Variants in ARAP1 observed in about 807,000 individuals in gnomAD.
ARAP1 encodes ArfGAP with RhoGAP domain, ankyrin repeat and PH domain 1.
Under a neutral mutation model 172.2 loss-of-function variants are expected in ARAP1, and 76 were observed. The observed-to-expected ratio is 0.44, with a 90% confidence interval of 0.37 to 0.53. The LOEUF (loss-of-function observed/expected upper bound fraction) is 0.53. ARAP1 is among the 20% of genes least tolerant of loss of function. The pLI, the probability that ARAP1 is intolerant of heterozygous loss-of-function variation, is 0.00. For missense variants in ARAP1, 1,686 were observed against 1,977.5 expected (o/e 0.85, Z 2.80); for synonymous variants, 804 against 803.3 (o/e 1.00, Z -0.01).
chr11:72,751,399 C>G (rs1049734549), intron 1 of ARAP1, among the ~76,000 whole-genome samples: 1 of 152,170 alleles, frequency 6.6e-6, no homozygotes, highest in Non-Finnish European at 1.5e-5. Context: ...TCATCCCCTC[C>G]CCTGGGGCCT....
chr11:72,686,634 CTG>C lies in ARAP1; in HGVS notation c.4186-445_4186-444del, dbSNP rs1227066278. 2.0e-5 allele frequency among the ~76,000 whole-genome samples: 3 copies of C among 152,234 alleles called. No homozygotes were observed. In the East Asian group the frequency reaches 5.8e-4, roughly 29 times the overall value. ...CATATGAGCTCTCACTTTAAAAACT[CTG>C]TGTCTTAATTCATCTGTTTTAAGTC... On this transcript the variant is annotated intron_variant, in intron 33 of 34. Transcript: ENST00000393609.
chr11:72,701,273 G>A (rs1856472365), intron 16 of ARAP1, among the ~76,000 whole-genome samples: 1 of 152,094 alleles, frequency 6.6e-6, no homozygotes, highest in Admixed American at 6.5e-5. Context: ...GGGCTCTTGT[G>A]GATTTTCTTC....
chr11:72,712,945 C>T (rs951329402), intron 5 of ARAP1: 4 of 604,270 alleles, frequency 6.6e-6, no homozygotes, highest in African/African-American at 3.7e-5. Flanking sequence ...CATGCCCACC[C>T]ACATACAGCC....
chr11:72,717,218 C>T (rs1010931682), intron 3 of ARAP1, among the ~76,000 whole-genome samples: 1 of 152,164 alleles, frequency 6.6e-6, no homozygotes, highest in East Asian at 1.9e-4. Flanking sequence ...TCTTGATGGG[C>T]AAATCAATCC....
intron 3 of ARAP1, among the ~76,000 whole-genome samples, chr11:72,718,974 C>T (rs1857398890): frequency 6.6e-6 from 1 of 152,208 alleles, no homozygotes; most frequent in African/African-American, 2.4e-5. Context: ...TTTCTGAGCA[C>T]TTGACATGGA....
rs1411062130 is a variant in ARAP1, at chr11:72,693,814, A to G, written c.3695-9T>C. Reference sequence around the variant, plus strand: ...AAAGTGCAGGGGGCGCTCTGGGGAGAGGTCACACCTACCGTCACTGGGACC... The same window carrying G: ...AAAGTGCAGGGGGCGCTCTGGGGAGGGGTCACACCTACCGTCACTGGGACC... On this transcript the variant is annotated splice_polypyrimidine_tract_variant and intron_variant, in intron 27 of 34. Transcript: ENST00000393609. The surrounding 1 kb of genome is among the most constrained non-coding windows in gnomAD (Gnocchi z 4.6). 6.3e-7 allele frequency: 1 copy of G among 1,587,552 alleles called. No homozygotes were observed. Among genetic ancestry groups the G allele is most frequent in the Non-Finnish European group, 8.6e-7 (1 of 1,168,068 alleles).
intron 30 of ARAP1, among the ~76,000 whole-genome samples, chr11:72,690,419 A>G (rs991044307): frequency 6.6e-6 from 1 of 152,154 alleles, no homozygotes; most frequent in African/African-American, 2.4e-5. Flanking sequence ...TCTCCTTTTG[A>G]GAATGAATCC....
intron 8 of ARAP1, 99 bp from the exon 9 acceptor site, chr11:72,711,240 GT>G: frequency 6.4e-7 from 1 of 1,552,018 alleles, no homozygotes; most frequent in South Asian, 1.2e-5. Flanking sequence ...CCTGCAGCTG[GT>G]TAGAGACAAG....
intron 8 of ARAP1, 43 bp from the exon 9 acceptor site, chr11:72,711,184 G>A (rs1182322670): frequency 7.5e-6 from 12 of 1,609,960 alleles, no homozygotes; most frequent in African/African-American, 2.7e-5. Context: ...CCAGCACCTC[G>A]CTGACTCCCC....
intron 1 of ARAP1, among the ~76,000 whole-genome samples, chr11:72,745,182 C>CTTTTTTTTTTTT (rs902550014): frequency 3.4e-5 from 3 of 88,312 alleles, no homozygotes; most frequent in Non-Finnish European, 4.2e-5. Flanking sequence ...AAGTTTCTTT[C>CTTTTTTTTTTTT]TTTTTTTTTT....
rs1027241450 is a variant in ARAP1 at position 72,694,537 on chromosome 11, T to G, written c.3694+443A>C. ...GCCAAGGGTCTTTCCTCCACAGCAG[T>G]TAATGCATCTGTAGTTGAACATTTA... On this transcript the variant is annotated intron_variant, in intron 27 of 34. Coordinates refer to ENST00000393609, the MANE Select transcript of ARAP1 (RefSeq NM_001040118.3). 2.0e-5 allele frequency among the ~76,000 whole-genome samples: 3 copies of G among 152,078 alleles called. No individual in the cohort carries two copies. In the South Asian group the frequency reaches 6.2e-4, roughly 31 times the overall value.
Position 72,725,196 on chromosome 11 carries a change from G to T in ARAP1, c.509+1424C>A, listed in dbSNP as rs1445826763. 2.6e-5 allele frequency among the ~76,000 whole-genome samples: 4 copies of T among 152,152 alleles called. No individual in the cohort carries two copies. The highest frequency in any genetic ancestry group is 9.7e-5 in the African/African-American group (4 of 41,440). ...GAGTCACAGGAAGGGCCTGAGAGGG[G>T]ACCTGGCCAGGGCCCTGCTTCTTCC... On this transcript the variant is annotated intron_variant, in intron 3 of 34. Transcript: ENST00000393609. The surrounding 1 kb of genome is among the most constrained non-coding windows in gnomAD (Gnocchi z 4.3).
rs1451845024 is a variant in ARAP1, at chr11:72,712,183, A to C, written c.1022+13T>G. ...CATGCAGAGCACAGCAGGACCCAAG[A>C]GGCCTCACTCACCCCTGCGGTGGGT... On this transcript the variant is annotated intron_variant, in intron 7 of 34. Transcript: ENST00000393609. 3.8e-6 allele frequency: 6 copies of C among 1,587,382 alleles called. No individual in the cohort carries two copies. The highest frequency in any genetic ancestry group is 5.1e-6 in the Non-Finnish European group (6 of 1,170,078).
At position 72,714,241 on chromosome 11, in the gene ARAP1, G is replaced by C; in HGVS notation, c.590C>G (p.Thr197Ser). The change falls in exon 4 of 35, where the codon ACC becomes AGC. Residue 197 changes from threonine to serine, a missense_variant. By Grantham distance (58) the Thr-to-Ser change is moderately conservative (BLOSUM62 1). Transcript: ENST00000393609. ...AGGCTGGGGAGGCCCCTGGGGGAGG[G>C]TGGACAGGGGCTCCTCAGACTGTGG... The part of the protein sequence containing the change: ...PQPQSEEPLS[T>S]LPQGPPQPPS... 1 of 1,528,818 alleles carries C rather than the reference G, an allele frequency of 6.5e-7. No homozygotes were observed. Among genetic ancestry groups the C allele is most frequent in the South Asian group, 1.3e-5 (1 of 79,814 alleles). The allele number at this position is 1,528,818 out of a possible 1,614,324, so 94.7% of individuals were successfully genotyped here. A position where few individuals can be genotyped will look rare whatever the true frequency, so the allele number is the denominator to read the frequency against.
chr11:72,714,745 G>A (rs1011987666), intron 3 of ARAP1, among the ~76,000 whole-genome samples: 2 of 152,122 alleles, frequency 1.3e-5, no homozygotes, highest in African/African-American at 4.8e-5. Flanking sequence ...AAGGCCCGAG[G>A]CACAGACCAG....
At chr11:72,703,165 G>T in intron 14 of ARAP1, 86 bp from the exon 15 acceptor site, 1 of 1,342,872 alleles carries the variant, frequency 7.4e-7, no homozygotes, top group Non-Finnish European at 9.9e-7. Context: ...GGAAAGAAAA[G>T]GAAGGAGTCA....
chr11:72,744,168 C>A (rs1326033662), intron 1 of ARAP1, among the ~76,000 whole-genome samples: 1 of 152,168 alleles, frequency 6.6e-6, no homozygotes, highest in East Asian at 1.9e-4. Context: ...GTGTGTGTCA[C>A]CATCTGTGAC....
intron 30 of ARAP1, among the ~76,000 whole-genome samples, chr11:72,690,599 C>G (rs1172934022): frequency 6.6e-6 from 1 of 152,162 alleles, no homozygotes; most frequent in Non-Finnish European, 1.5e-5. Context: ...AGGCTGGTCT[C>G]AAACTCCTGG....
chr11:72,718,323 C>T (rs1270050420), intron 3 of ARAP1, among the ~76,000 whole-genome samples: 1 of 151,984 alleles, frequency 6.6e-6, no homozygotes, highest in Non-Finnish European at 1.5e-5. Context: ...CAAGTCCCAG[C>T]CTCTCACTGC....
Sources: allele counts gnomAD v4.1 joint callset (sites outside exome capture counted in the v4.1 genomes callset), GRCh38; gene constraint gnomAD v4.1.1; non-coding constraint Gnocchi (gnomAD v3.1); transcripts MANE v1.5; gene names NCBI Gene and HGNC (gene_info 2026-07-23, HGNC 2026-07-21).